SMCHD1: variants seen among roughly 807,000 people sequenced by gnomAD.
SMCHD1 encodes structural maintenance of chromosomes flexible hinge domain-containing protein 1.
In SMCHD1, 78 loss-of-function variants were observed where a neutral mutation model predicts 254.7. The ratio of observed to expected loss-of-function variants is 0.31; its 90% CI spans 0.26 to 0.37. The LOEUF is 0.37. SMCHD1 is among the 10% of genes least tolerant of loss of function. SMCHD1 has a pLI of 1.00. For synonymous variants in SMCHD1, 766 were observed against 794.9 expected, an observed-to-expected ratio of 0.96 and a Z score of 0.61; for missense variants, 1,840 against 2,408.1, an observed-to-expected ratio of 0.76 and a Z score of 4.94.
chr18:2,666,907 A>C lies in SMCHD1; in HGVS notation c.300A>C (p.Leu100=), dbSNP rs2073456861. ...TVKDGVTLYL[L]QSVNQLLLTA... ...AAGATGGAGTCACCTTATACCTGCTACAGTCGGTCAATCAGTTACTACTGA... is the reference window on the plus strand; with the variant it reads ...AAGATGGAGTCACCTTATACCTGCTCCAGTCGGTCAATCAGTTACTACTGA... The change falls in exon 3 of 48, where the codon CTA becomes CTC. Residue 100 remains leucine (L), a synonymous_variant. Coordinates refer to ENST00000320876, the MANE Select transcript of SMCHD1 (RefSeq NM_015295.3). 1 of 1,613,336 alleles carries C rather than the reference A, an allele frequency of 6.2e-7. No individual in the cohort carries two copies. Among genetic ancestry groups the C allele is most frequent in the African/African-American group, 1.3e-5 (1 of 74,924 alleles).
Position 2,679,393 on chromosome 18 carries a change from G to A in SMCHD1, c.638+5248G>A, listed in dbSNP as rs1376484629. 6.1e-5 allele frequency among the ~76,000 whole-genome samples: 9 copies of A among 147,886 alleles called. No homozygotes were observed. In the South Asian group the frequency reaches 1.1e-3, roughly 17 times the overall value. The stretch of plus-strand genomic sequence containing the variant: ...CGGGAGGTTGAGGCAGGAGAATGGC[G>A]TGAACCCGGGATGCGGAGCTTGCAG... On this transcript the variant is annotated intron_variant, in intron 5 of 47. Coordinates refer to ENST00000320876, the MANE Select transcript of SMCHD1 (RefSeq NM_015295.3).
At chr18:2,798,971 C>G (rs933804566) in intron 47 of SMCHD1, among the ~76,000 whole-genome samples, 1 of 152,134 alleles carries the variant, frequency 6.6e-6, no homozygotes, top group Non-Finnish European at 1.5e-5. Flanking sequence ...TGATTTGGAA[C>G]TTGTTAATTA....
chr18:2,777,934 A>G lies in SMCHD1; in HGVS notation c.5476+19A>G, dbSNP rs781551856. On this transcript the variant is annotated intron_variant, in intron 43 of 47. Coordinates refer to ENST00000320876, the MANE Select transcript of SMCHD1 (RefSeq NM_015295.3). ...GAAACAGGTAAAAGACATTATGGTG[A>G]CTTTACTTTTGTACAGATGTTAAAT... The G allele has an allele frequency of 2.6e-5, 37 of 1,409,108 alleles. No individual in the cohort carries two copies. Among genetic ancestry groups the G allele is most frequent in the Non-Finnish European group, 3.5e-5 (36 of 1,035,228 alleles). The allele number at this position is 1,409,108 out of a possible 1,614,324, so 87.3% of individuals were successfully genotyped here. A position where few individuals can be genotyped will look rare whatever the true frequency, so the allele number is the denominator to read the frequency against.
intron 29 of SMCHD1, among the ~76,000 whole-genome samples, chr18:2,746,727 G>A (rs935014911): frequency 6.6e-6 from 1 of 152,156 alleles, no homozygotes; most frequent in African/African-American, 2.4e-5. Context: ...TAGAGGAGAG[G>A]TGATAAATCA....
intron 34 of SMCHD1, among the ~76,000 whole-genome samples, chr18:2,753,358 T>C (rs1156473132): frequency 6.6e-6 from 1 of 152,268 alleles, no homozygotes; most frequent in Admixed American, 6.5e-5. Context: ...ACACTACTAT[T>C]TTCCATTCTG....
intron 47 of SMCHD1, among the ~76,000 whole-genome samples, chr18:2,797,206 T>G (rs904558399): frequency 6.6e-6 from 1 of 152,216 alleles, no homozygotes; most frequent in African/African-American, 2.4e-5. Flanking sequence ...TTATAATTTT[T>G]GGTTTGGAGA....
rs983896063 is a variant in SMCHD1 at position 2,804,320 on chromosome 18, C to T, written c.*1768C>T. On this transcript the variant is annotated 3_prime_UTR_variant, in exon 48 of 48. Coordinates refer to ENST00000320876, the MANE Select transcript of SMCHD1 (RefSeq NM_015295.3). The stretch of plus-strand genomic sequence containing the variant: ...AAAACATGTCTTTTTTTCCCTTGAG[C>T]GACAGTGGCCTCACTACATTGCCCA... 2.0e-5 allele frequency: 3 copies of T among 151,982 alleles called. No homozygotes were observed. Among genetic ancestry groups the T allele is most frequent in the Non-Finnish European group, 2.9e-5 (2 of 68,000 alleles). 9.4% of individuals were successfully genotyped at this position (151,982 alleles called of 1,614,324 possible). A position where few individuals can be genotyped will look rare whatever the true frequency, so the allele number is the denominator to read the frequency against.
intron 22 of SMCHD1, chr18:2,727,146 G>A (rs75863908): frequency 1.3e-5 from 2 of 152,238 alleles, no homozygotes; most frequent in African/African-American, 2.4e-5. Flanking sequence ...GCACAGTTCT[G>A]TAGTACTCAA....
Position 2,763,698 on chromosome 18 carries a change from G to C in SMCHD1, c.4628G>C (p.Gly1543Ala). The C allele has an allele frequency of 6.2e-7, 1 of 1,607,992 alleles. No individual in the cohort carries two copies. Among genetic ancestry groups the C allele is most frequent in the Admixed American group, 1.7e-5 (1 of 59,012 alleles). Residue 1543 changes from glycine (G) to alanine (A), a missense_variant, in exon 37 of 48, where the codon GGC becomes GCC. Physicochemically the swap from Gly to Ala is moderately conservative, Grantham distance 60. This residue lies in a region of SMCHD1 where 881 missense variants were observed against 1,009.5 expected (regional missense o/e 0.87). Coordinates refer to ENST00000320876, the MANE Select transcript of SMCHD1 (RefSeq NM_015295.3). Reference sequence around the variant, plus strand: ...GGCACTATAATAGCCACCATTAAAGGCTCTAATGAGGAAGATACTGATACC... The same window carrying C: ...GGCACTATAATAGCCACCATTAAAGCCTCTAATGAGGAAGATACTGATACC... ...LVGTIIATIK[G>A]SNEEDTDTPL...
At chr18:2,682,302 T>C (rs1355903434) in intron 5 of SMCHD1, among the ~76,000 whole-genome samples, 4 of 151,004 alleles carry the variant, frequency 2.6e-5, no homozygotes, top group African/African-American at 9.9e-5. Context: ...ACTTTTTCTT[T>C]TCTTTCTTCT....
chr18:2,767,448 A>G (rs1256139437), intron 37 of SMCHD1, among the ~76,000 whole-genome samples: 1 of 152,164 alleles, frequency 6.6e-6, no homozygotes, highest in African/African-American at 2.4e-5. Context: ...CAGTCATGTC[A>G]TCACTTAATG....
At position 2,777,721 on chromosome 18, in the gene SMCHD1, A is replaced by G. The variant is rs76955546; in HGVS notation, c.5367-85A>G. 9.3e-3 allele frequency: 6,361 copies of G among 681,542 alleles called. 294 individuals are homozygous for G. The African/African-American group carries it at 0.099, about 11-fold the overall frequency. The allele number at this position is 681,542 out of a possible 1,614,324, so 42.2% of individuals were successfully genotyped here. On this transcript the variant is annotated intron_variant, in intron 42 of 47. Transcript: ENST00000320876. ...GATTGTATGATCAAAATGATGTGCA[A>G]TATATTCATGTTTTCCATATTGTCT...
At chr18:2,774,557 C>T (rs754120938) in intron 41 of SMCHD1, among the ~76,000 whole-genome samples, 49 of 152,032 alleles carry the variant, frequency 3.2e-4, no homozygotes, top group Non-Finnish European at 6.3e-4. Flanking sequence ...ACTACAGTTT[C>T]GTGCCACCAT....
At chr18:2,771,060 G>A (rs921248320) in intron 39 of SMCHD1, among the ~76,000 whole-genome samples, 1 of 152,086 alleles carries the variant, frequency 6.6e-6, no homozygotes. Context: ...TTTTGATCAA[G>A]TTAACCAAGA....
chr18:2,665,125 C>T (rs2073399382), intron 1 of SMCHD1, among the ~76,000 whole-genome samples: 1 of 152,126 alleles, frequency 6.6e-6, no homozygotes, highest in Non-Finnish European at 1.5e-5. Context: ...TCATTTTAGA[C>T]AGAGCATGTA....
At chr18:2,778,304 T>C in intron 44 of SMCHD1, 65 bp downstream of exon 44, 1 of 1,167,804 alleles carries the variant, frequency 8.6e-7, no homozygotes, top group Non-Finnish European at 1.2e-6. Context: ...GTCCATTTGA[T>C]GATACATATA....
intron 10 of SMCHD1, among the ~76,000 whole-genome samples, chr18:2,699,292 C>T (rs1280911031): frequency 6.6e-6 from 1 of 152,148 alleles, no homozygotes; most frequent in Admixed American, 6.5e-5. Flanking sequence ...TTAAGTGCTC[C>T]TGCCCAGTAC....
chr18:2,661,267 G>A (rs140426431), intron 1 of SMCHD1, among the ~76,000 whole-genome samples: 4,580 of 151,992 alleles, frequency 0.03, 239 homozygotes, highest in African/African-American at 0.1. Flanking sequence ...GATAGGTGTG[G>A]CAAACCACCA....
chr18:2,746,650 C>T (rs1384581038), intron 29 of SMCHD1, among the ~76,000 whole-genome samples: 4 of 152,108 alleles, frequency 2.6e-5, no homozygotes, highest in Non-Finnish European at 2.9e-5. Context: ...AGCCTTTCCC[C>T]ATAATCTGGT....
Sources: allele counts gnomAD v4.1 joint callset (sites outside exome capture counted in the v4.1 genomes callset), GRCh38; gene constraint gnomAD v4.1.1; regional missense constraint gnomAD v4.1.1; transcripts MANE v1.5; gene names NCBI Gene and HGNC (gene_info 2026-07-23, HGNC 2026-07-21).